CCDC7: variants seen among roughly 807,000 people sequenced by gnomAD.
CCDC7 encodes the protein coiled-coil domain-containing protein 7.
In CCDC7, 183 loss-of-function variants were observed where a neutral mutation model predicts 196.9. That is an observed-to-expected ratio of 0.93 (90% CI 0.82 to 1.05). CCDC7 has a LOEUF of 1.05. CCDC7 is among the 50% of genes least tolerant of loss of function. The pLI is 0.00. For synonymous variants in CCDC7, 525 were observed against 484.6 expected (o/e 1.08, Z -1.10); for missense variants, 1,540 against 1,482.2 (o/e 1.04, Z -0.64).
At chr10:32,825,836 C>G (rs781587850) in intron 32 of CCDC7, among the ~76,000 whole-genome samples, 2 of 152,148 alleles carry the variant, frequency 1.3e-5, no homozygotes, top group Non-Finnish European at 2.9e-5. Flanking sequence ...CGCCAGGTGT[C>G]TACTGTTAAA....
chr10:32,454,513 A>T (rs2133418669), intron 2 of CCDC7, among the ~76,000 whole-genome samples: 1 of 152,172 alleles, frequency 6.6e-6, no homozygotes, highest in East Asian at 1.9e-4. Context: ...CCCAAACCTC[A>T]GCATCACGCA....
rs190044545 is a variant in CCDC7 at position 32,701,625 on chromosome 10, C to T, written c.2458+6633C>T. Among the ~76,000 whole-genome samples the T allele has an allele frequency of 2.3e-3, 344 of 152,232 alleles. 2 individuals are homozygous for T. Among genetic ancestry groups the T allele is most frequent in the African/African-American group, 7.8e-3 (326 of 41,548 alleles). Reference sequence around the variant, plus strand: ...TCCTCTTTGTACCTCTGGTAGAATTCGGCTGTGAATCCATCTGGTCCTGGA... The same window carrying T: ...TCCTCTTTGTACCTCTGGTAGAATTTGGCTGTGAATCCATCTGGTCCTGGA... On this transcript the variant is annotated intron_variant, in intron 24 of 41. Coordinates refer to ENST00000639629, the Ensembl canonical transcript of CCDC7.
At chr10:32,668,915 G>A (rs1246965266) in intron 21 of CCDC7, among the ~76,000 whole-genome samples, 1 of 152,048 alleles carries the variant, frequency 6.6e-6, no homozygotes, top group East Asian at 1.9e-4. Context: ...TTATTTGCCT[G>A]GGGCTGCCAG....
intron 2 of CCDC7, 47 bp from the exon 4 acceptor site, chr10:32,456,204 T>TATGG (rs1410735308): frequency 6.9e-7 from 1 of 1,447,948 alleles, no homozygotes. Context: ...CAGACATGCA[T>TATGG]ATGGATTCTT....
intron 41 of CCDC7, among the ~76,000 whole-genome samples, chr10:32,868,751 A>T (rs2094308799): frequency 8.3e-6 from 1 of 119,836 alleles, no homozygotes; most frequent in African/African-American, 3.3e-5. Context: ...CTGGCGTGTG[A>T]TGTTCCCCTT....
intron 21 of CCDC7, chr10:32,675,634 C>T (rs1250733560): frequency 6.6e-6 from 1 of 152,292 alleles, no homozygotes. Flanking sequence ...TTTGGTGTTA[C>T]TGTTGAGCAT....
intron 11 of CCDC7, among the ~76,000 whole-genome samples, chr10:32,535,509 G>T (rs754271454): frequency 6.6e-6 from 1 of 152,088 alleles, no homozygotes; most frequent in Non-Finnish European, 1.5e-5. Context: ...TGTGTGGGGT[G>T]CTTACAGGTC....
intron 11 of CCDC7, among the ~76,000 whole-genome samples, chr10:32,540,643 C>T (rs539229359): frequency 9.2e-5 from 14 of 152,240 alleles, no homozygotes; most frequent in South Asian, 2.1e-4. Flanking sequence ...ATATGAAATT[C>T]GTGGCTGGAA....
chr10:32,459,578 A>C (rs1301975612), intron 3 of CCDC7, among the ~76,000 whole-genome samples: 1 of 149,210 alleles, frequency 6.7e-6, no homozygotes, highest in South Asian at 2.1e-4. Flanking sequence ...TGGTTGCTTT[A>C]AATCTTTAAC....
At chr10:32,604,014 A>G (rs1252823717) in intron 18 of CCDC7, among the ~76,000 whole-genome samples, 1 of 152,022 alleles carries the variant, frequency 6.6e-6, no homozygotes, top group Non-Finnish European at 1.5e-5. Context: ...CGGCCATAAA[A>G]TTTTTGGCTA....
chr10:32,684,434 T>C (rs2076231239), intron 21 of CCDC7, among the ~76,000 whole-genome samples: 1 of 152,088 alleles, frequency 6.6e-6, no homozygotes, highest in South Asian at 2.1e-4. Context: ...GGCAGAGGTA[T>C]GTGTCCCCAG....
At chr10:32,602,114 T>C (rs2151365) in intron 18 of CCDC7, among the ~76,000 whole-genome samples, 140,411 of 152,128 alleles carry the variant, frequency 0.92, 65,797 homozygotes, top group East Asian at 1. Context: ...ACACTCACTG[T>C]GAGGGTTTGC....
intron 18 of CCDC7, among the ~76,000 whole-genome samples, chr10:32,624,984 G>GTTTTTTTTTTTTTTTTTTTTTTTTT (rs35752534): frequency 1.9e-5 from 1 of 51,660 alleles, no homozygotes. Flanking sequence ...CTTTGCACAA[G>GTTTTTTTTTTTTTTTTTTTTTTTTT]TTTTTTTTTT....
chr10:32,573,158 G>A (rs897716663), intron 16 of CCDC7, among the ~76,000 whole-genome samples: 11 of 152,122 alleles, frequency 7.2e-5, no homozygotes, highest in Admixed American at 1.3e-4. Context: ...GATTACAGGC[G>A]TGAGCCACCA....
intron 39 of CCDC7, among the ~76,000 whole-genome samples, chr10:32,849,948 C>CG (rs1357191692): frequency 6.6e-6 from 1 of 151,856 alleles, no homozygotes; most frequent in Non-Finnish European, 1.5e-5. Flanking sequence ...CTTCTGAAGG[C>CG]GGGGGGCACT....
chr10:32,809,364 T>G (rs2086564684), intron 30 of CCDC7, among the ~76,000 whole-genome samples: 1 of 151,726 alleles, frequency 6.6e-6, no homozygotes, highest in African/African-American at 2.4e-5. Context: ...AATGAAAAAT[T>G]TATTAAAGAG....
chr10:32,701,663 G>A (rs2078747943), intron 24 of CCDC7, among the ~76,000 whole-genome samples: 1 of 152,076 alleles, frequency 6.6e-6, no homozygotes. Context: ...TTTTTAGGTT[G>A]GTAGGCTACT....
At chr10:32,564,464 T>C (rs1408963513) in intron 13 of CCDC7, among the ~76,000 whole-genome samples, 6 of 152,192 alleles carry the variant, frequency 3.9e-5, no homozygotes, top group Admixed American at 6.5e-5. Context: ...TGGAATACTA[T>C]GCAGTCATAA....
At chr10:32,635,906 A>T (rs2065555314) in intron 20 of CCDC7, among the ~76,000 whole-genome samples, 1 of 152,012 alleles carries the variant, frequency 6.6e-6, no homozygotes, top group Non-Finnish European at 1.5e-5. Flanking sequence ...TAAGTATACC[A>T]TTTCTTTGTC....
Sources: gnomAD v4.1 joint callset for allele counts (sites outside exome capture counted in the v4.1 genomes callset) on GRCh38, gnomAD v4.1.1 for gene constraint, MANE v1.5 for transcripts, NCBI Gene and HGNC (gene_info 2026-07-23, HGNC 2026-07-21) for gene names.